The following TRPM3 variants were observed in gnomAD, a reference collection of about 807,000 sequenced individuals.
TRPM3 encodes the protein long transient receptor potential channel 3.
A neutral mutation model predicts 181.2 loss-of-function variants in TRPM3; 77 were observed. The ratio of observed to expected loss-of-function variants is 0.42; its 90% CI spans 0.35 to 0.51. TRPM3 has a LOEUF of 0.51. TRPM3 is among the 20% of genes least tolerant of loss of function. TRPM3 has a pLI of 0.01. For synonymous variants in TRPM3, 745 were observed against 796.4 expected (o/e 0.94, Z 1.09); for missense variants, 1,759 against 2,196.7 (o/e 0.80, Z 3.98).
At chr9:71,328,368 G>A (rs948290092) in intron 1 of TRPM3, among the ~76,000 whole-genome samples, 2 of 151,986 alleles carry the variant, frequency 1.3e-5, no homozygotes, top group African/African-American at 2.4e-5. Flanking sequence ...GGGTTTCACC[G>A]TGTTAGCCAG....
intron 1 of TRPM3, among the ~76,000 whole-genome samples, chr9:70,970,379 G>A (rs959345831): frequency 3.9e-5 from 6 of 152,092 alleles, no homozygotes; most frequent in Admixed American, 2.6e-4. Flanking sequence ...AGCAAATTAA[G>A]ACTAATTCCT....
chr9:71,044,245 T>C (rs572701981), intron 1 of TRPM3, among the ~76,000 whole-genome samples: 30 of 152,298 alleles, frequency 2.0e-4, no homozygotes, highest in African/African-American at 6.0e-4. Context: ...GGCATCTCTA[T>C]GTTCCATGGA....
intron 1 of TRPM3, among the ~76,000 whole-genome samples, chr9:70,953,604 G>A (rs1385094312): frequency 6.6e-6 from 1 of 152,098 alleles, no homozygotes; most frequent in East Asian, 1.9e-4. Flanking sequence ...TATTTAATAT[G>A]AGGTGAGATT....
At chr9:70,801,149 C>G (rs2088885791) in intron 6 of TRPM3, among the ~76,000 whole-genome samples, 2 of 152,150 alleles carry the variant, frequency 1.3e-5, no homozygotes. Context: ...GTTATTTGAT[C>G]CTGAACAAAT....
chr9:71,364,819 A>T (rs1424092422), intron 1 of TRPM3, among the ~76,000 whole-genome samples: 1 of 152,258 alleles, frequency 6.6e-6, no homozygotes, highest in African/African-American at 2.4e-5. Context: ...CCAGTAACTG[A>T]GTCATTAAAG....
intron 22 of TRPM3, among the ~76,000 whole-genome samples, chr9:70,589,827 C>T (rs532038343): frequency 5.9e-5 from 9 of 152,300 alleles, no homozygotes; most frequent in South Asian, 2.1e-4. Flanking sequence ...GAATAAATGA[C>T]GTACCGGTGT....
intron 1 of TRPM3, among the ~76,000 whole-genome samples, chr9:71,074,175 T>C (rs2063140210): frequency 6.6e-6 from 1 of 152,168 alleles, no homozygotes; most frequent in Non-Finnish European, 1.5e-5. Flanking sequence ...GCATATATGG[T>C]TATCTCTTAT....
intron 1 of TRPM3, among the ~76,000 whole-genome samples, chr9:71,272,473 T>C (rs2083879467): frequency 6.6e-6 from 1 of 152,176 alleles, no homozygotes; most frequent in Non-Finnish European, 1.5e-5. Context: ...CATTAGCTCA[T>C]TTATAAATTT....
intron 1 of TRPM3, among the ~76,000 whole-genome samples, chr9:70,900,298 G>A (rs1193698880): frequency 1.3e-5 from 2 of 152,084 alleles, no homozygotes; most frequent in South Asian, 2.1e-4. Context: ...CCAAGATCAC[G>A]CCACTGCACT....
At chr9:70,867,875 CA>C (rs2095686442) in intron 1 of TRPM3, among the ~76,000 whole-genome samples, 1 of 151,980 alleles carries the variant, frequency 6.6e-6, no homozygotes. Flanking sequence ...GTTTCCTAAA[CA>C]AATTCCTTTT....
chr9:70,693,303 T>C (rs2069132535), intron 8 of TRPM3, among the ~76,000 whole-genome samples: 1 of 152,182 alleles, frequency 6.6e-6, no homozygotes, highest in East Asian at 1.9e-4. Context: ...ATATATCTCA[T>C]GGCCTTGGCT....
chr9:71,340,227 G>C (rs2090862211), intron 1 of TRPM3, among the ~76,000 whole-genome samples: 1 of 152,158 alleles, frequency 6.6e-6, no homozygotes. Context: ...AATAAGGAAA[G>C]AGAGAAGGCT....
intron 25 of TRPM3, among the ~76,000 whole-genome samples, chr9:70,542,883 C>G (rs2043836426): frequency 6.6e-6 from 1 of 152,182 alleles, no homozygotes; most frequent in African/African-American, 2.4e-5. Flanking sequence ...AAAGCAAACT[C>G]TTGCTTATCC....
rs146643114 is a variant in TRPM3, at chr9:71,140,324, C to G, written c.184-275813G>C. Among the ~76,000 whole-genome samples, 630 of 152,248 alleles carry G rather than the reference C, an allele frequency of 4.1e-3. 1 individual carries two copies. Among genetic ancestry groups the G allele is most frequent in the Non-Finnish European group, 7.7e-3 (525 of 68,024 alleles). ...TCAAAGTCACAAACCTAGGAAGTGG[C>G]AGAGATGTGATCAGCCCAGTCACCA... On this transcript the variant is annotated intron_variant, in intron 1 of 24. Coordinates refer to the TRPM3 transcript ENST00000357533.
intron 1 of TRPM3, among the ~76,000 whole-genome samples, chr9:71,227,662 C>A (rs1299413005): frequency 6.6e-6 from 1 of 151,874 alleles, no homozygotes; most frequent in African/African-American, 2.4e-5. Context: ...GACATTAGAA[C>A]CAATACTGCA....
chr9:71,006,082 T>C (rs1454102392), intron 1 of TRPM3, among the ~76,000 whole-genome samples: 1 of 152,182 alleles, frequency 6.6e-6, no homozygotes, highest in Non-Finnish European at 1.5e-5. Flanking sequence ...ACACTTCTTT[T>C]GTGACCAAAG....
chr9:70,554,505 C>T lies in TRPM3; in HGVS notation c.3224-1195G>A, dbSNP rs185258966. ...CAAGAGTTTCCGTTGCTAGGCTGCA[C>T]ATTCTACAGTGATTCTCAACCCTGG... On this transcript the variant is annotated intron_variant, in intron 22 of 25. Transcript: ENST00000677713. 5.9e-5 allele frequency among the ~76,000 whole-genome samples: 9 copies of T among 152,286 alleles called. No individual in the cohort carries two copies. In the East Asian group the frequency reaches 1.5e-3, roughly 26 times the overall value.
chr9:71,053,574 C>T (rs2060309761), intron 1 of TRPM3, among the ~76,000 whole-genome samples: 1 of 151,946 alleles, frequency 6.6e-6, no homozygotes, highest in South Asian at 2.1e-4. Flanking sequence ...ATTCCACTGC[C>T]CAATTTTGAC....
intron 5 of TRPM3, among the ~76,000 whole-genome samples, chr9:70,834,670 G>A (rs977046863): frequency 1.4e-4 from 21 of 152,168 alleles, no homozygotes; most frequent in African/African-American, 3.4e-4. Flanking sequence ...TGAAGCAGCC[G>A]TGTAGAGAGG....
Sources: gnomAD v4.1 joint callset for allele counts (sites outside exome capture counted in the v4.1 genomes callset) on GRCh38, gnomAD v4.1.1 for gene constraint, MANE v1.5 for transcripts, NCBI Gene and HGNC (gene_info 2026-07-23, HGNC 2026-07-21) for gene names.